HIBCH: variants seen among roughly 807,000 people sequenced by gnomAD.
HIBCH encodes the protein 3-hydroxyisobutyryl-CoA hydrolase, mitochondrial.
In HIBCH, 50 loss-of-function variants were observed where a neutral mutation model predicts 58.2. The observed-to-expected ratio is 0.86, with a 90% CI of 0.68 to 1.09. HIBCH has a LOEUF of 1.09. Ranked by LOEUF, HIBCH falls within the 50% of genes least tolerant of loss-of-function variation. The pLI is 0.00. For missense variants in HIBCH, 450 were observed against 449.7 expected (o/e 1.00, Z -0.01); for synonymous variants, 151 against 146.9 (o/e 1.03, Z -0.20).
intron 2 of HIBCH, among the ~76,000 whole-genome samples, chr2:190,307,878 A>G (rs1262392538): frequency 1.3e-5 from 2 of 152,292 alleles, no homozygotes; most frequent in East Asian, 3.9e-4. Context: ...TCTATTCCCT[A>G]CCTTCTATCT....
intron 11 of HIBCH, among the ~76,000 whole-genome samples, chr2:190,242,576 T>C (rs939447581): frequency 2.6e-5 from 4 of 152,192 alleles, no homozygotes; most frequent in African/African-American, 9.6e-5. Context: ...CTTTGAGCTT[T>C]GATGCTGATG....
At chr2:190,200,448 T>G, downstream of HIBCH, 1 of 250,004 alleles carries the variant, frequency 4.0e-6, no homozygotes, top group Non-Finnish European at 8.4e-6. Context: ...CCAAAGAAAA[T>G]GCTAAGGAAT....
Position 190,313,228 on chromosome 2 carries a change from A to G in HIBCH, c.36-2432T>C, listed in dbSNP as rs1400228832. 4.1e-5 allele frequency among the ~76,000 whole-genome samples: 4 copies of G among 98,014 alleles called. No individual in the cohort carries two copies. The East Asian group carries it at 6.3e-4, about 15-fold the overall frequency. The allele number at this position is 98,014 out of a possible 152,430, so 64.3% of individuals were successfully genotyped here. ...ACGGGCATGTTCGAGCTCACAGCCT[A>G]TTCCCCTTATTTAAAAATGTTATTG... On this transcript the variant is annotated intron_variant, in intron 1 of 13. Transcript: ENST00000359678.
At chr2:190,303,646 A>G (rs1438188996) in intron 2 of HIBCH, among the ~76,000 whole-genome samples, 3 of 152,186 alleles carry the variant, frequency 2.0e-5, no homozygotes, top group African/African-American at 7.2e-5. Context: ...ATTCTAAATG[A>G]CATATGTAGT....
At chr2:190,261,375 T>C in intron 6 of HIBCH, 141 bp from the exon 7 acceptor site, 1 of 654,456 alleles carries the variant, frequency 1.5e-6, no homozygotes, top group Non-Finnish European at 2.7e-6. Context: ...GAATAGGTTG[T>C]CCCCACCTCT....
rs564180477 is a variant in HIBCH at position 190,308,080 on chromosome 2, T to C, written c.78+2674A>G. 2.6e-5 allele frequency among the ~76,000 whole-genome samples: 4 copies of C among 152,180 alleles called. No homozygotes were observed. In the South Asian group the frequency reaches 6.2e-4, roughly 24 times the overall value. On this transcript the variant is annotated intron_variant, in intron 2 of 13. Transcript: ENST00000359678. ...CCACAGAAGAATTGCTTGGGATACA[T>C]CTTCTCTACCCCTGAGGCACTCATA...
rs537592592 is a variant in HIBCH at position 190,315,980 on chromosome 2, C to T, written c.35+3736G>A. Among the ~76,000 whole-genome samples the T allele has an allele frequency of 6.6e-6, 1 of 152,174 alleles. No individual in the cohort carries two copies. The highest frequency in any genetic ancestry group is 6.5e-5 in the Admixed American group (1 of 15,272). On this transcript the variant is annotated intron_variant, in intron 1 of 13. Transcript: ENST00000359678. This position sits in a 1 kb window ranked among gnomAD's most constrained non-coding sequence, Gnocchi z 5.4. ...CTAGAGGTTGAAAGAAAAGTTAGAA[C>T]TAAAGGTATATCTTATGCCACATGC...
intron 7 of HIBCH, among the ~76,000 whole-genome samples, chr2:190,252,565 G>A (rs948067363): frequency 9.9e-5 from 15 of 151,960 alleles, no homozygotes; most frequent in Admixed American, 9.8e-4. Flanking sequence ...ACAATGTTTT[G>A]TATATTAGAA....
Position 190,294,538 on chromosome 2 carries a change from G to A in HIBCH, c.304+8C>T, listed in dbSNP as rs1688054330. 1 of 1,593,450 alleles carries A rather than the reference G, an allele frequency of 6.3e-7. No homozygotes were observed. The highest frequency in any genetic ancestry group is 8.6e-7 in the Non-Finnish European group (1 of 1,162,324). ...AAGAGCACTCAGGTGAAAGGGAAAAGTCTTTACCTCTGATATCACCCCCGG... is the reference window on the plus strand; with the variant it reads ...AAGAGCACTCAGGTGAAAGGGAAAAATCTTTACCTCTGATATCACCCCCGG... On this transcript the variant is annotated splice_region_variant and intron_variant, in intron 4 of 13. Coordinates refer to ENST00000359678, the MANE Select transcript of HIBCH (RefSeq NM_014362.4).
At chr2:190,297,003 A>T in intron 2 of HIBCH, 50 bp from the exon 3 acceptor site, 1 of 1,545,650 alleles carries the variant, frequency 6.5e-7, no homozygotes, top group Non-Finnish European at 8.9e-7. Context: ...AGTTTTTATC[A>T]CAAGCCAACA....
intron 11 of HIBCH, among the ~76,000 whole-genome samples, chr2:190,244,381 AAC>A (rs766238605): frequency 2.6e-4 from 39 of 152,290 alleles, no homozygotes; most frequent in Non-Finnish European, 5.3e-4. Context: ...AAGTGTACCT[AAC>A]ACAGAAACAC....
At chr2:190,232,382 G>T (rs958445948) in intron 11 of HIBCH, among the ~76,000 whole-genome samples, 38 of 152,138 alleles carry the variant, frequency 2.5e-4, no homozygotes, top group African/African-American at 9.2e-4. Flanking sequence ...TGGCAGTCTG[G>T]AATTGAGGTA....
chr2:190,312,509 C>CT (rs1231126004), intron 1 of HIBCH, among the ~76,000 whole-genome samples: 3 of 152,184 alleles, frequency 2.0e-5, no homozygotes, highest in Non-Finnish European at 4.4e-5. Flanking sequence ...CAAGAATACT[C>CT]TGAGATTATA....
At chr2:190,264,580 T>C (rs1227327278) in intron 6 of HIBCH, among the ~76,000 whole-genome samples, 2 of 152,232 alleles carry the variant, frequency 1.3e-5, no homozygotes, top group East Asian at 3.8e-4. Flanking sequence ...CTTCTTTCAG[T>C]CAACATTATG....
Position 190,209,977 on chromosome 2 carries a change from A to G in HIBCH, c.1012-1064T>C, listed in dbSNP as rs1218385806. ...GTCCGACACTAAGTGTTCAGTAAAT[A>G]TTAACTACCATTAGTATCATCAACA... On this transcript the variant is annotated intron_variant, in intron 12 of 13. Transcript: ENST00000359678. This position sits in a 1 kb window ranked among gnomAD's most constrained non-coding sequence, Gnocchi z 5.6. 6.6e-6 allele frequency among the ~76,000 whole-genome samples: 1 copy of G among 152,246 alleles called. No homozygotes were observed. Among genetic ancestry groups the G allele is most frequent in the Non-Finnish European group, 1.5e-5 (1 of 68,046 alleles).
rs1476358817 is a variant in HIBCH at position 190,197,762 on chromosome 2, G to C, written c.*17+7338C>G. Among the ~76,000 whole-genome samples the C allele has an allele frequency of 6.6e-6, 1 of 152,182 alleles. No individual in the cohort carries two copies. Among genetic ancestry groups the C allele is most frequent in the African/African-American group, 2.4e-5 (1 of 41,426 alleles). On this transcript the variant is annotated intron_variant, in intron 1 of 1. Coordinates refer to the HIBCH transcript ENST00000399855. The surrounding 1 kb of genome is among the most constrained non-coding windows in gnomAD (Gnocchi z 4.0). ...TATATTTTGTCTGGTTTTAAAACTG[G>C]TTTTGGCAAATGCACAAATCTGGCA...
At chr2:190,190,321 CTT>C (rs1689654227) in intron 1 of HIBCH, among the ~76,000 whole-genome samples, 1 of 152,140 alleles carries the variant, frequency 6.6e-6, no homozygotes, top group South Asian at 2.1e-4. Flanking sequence ...TATGATCCAT[CTT>C]TTTTATCTGG....
At position 190,313,522 on chromosome 2, in the gene HIBCH, G is replaced by A. The variant is rs375384293; in HGVS notation, c.36-2726C>T. 5.3e-5 allele frequency among the ~76,000 whole-genome samples: 8 copies of A among 151,950 alleles called. No individual in the cohort carries two copies. The South Asian group carries it at 1.0e-3, about 20-fold the overall frequency. ...CCTTGCTGATAAATCTTTTGCCTCC[G>A]TGCTGACTTTTCTTCACAACACCAC... On this transcript the variant is annotated intron_variant, in intron 1 of 13. Coordinates refer to ENST00000359678, the MANE Select transcript of HIBCH (RefSeq NM_014362.4).
At chr2:190,310,615 T>C (rs986126194) in intron 2 of HIBCH, 139 bp downstream of exon 2, 1 of 762,206 alleles carries the variant, frequency 1.3e-6, no homozygotes, top group Non-Finnish European at 2.4e-6. Context: ...GCGTGTGCCA[T>C]GTCTTGACAC....
Sources: allele counts gnomAD v4.1 joint callset (sites outside exome capture counted in the v4.1 genomes callset), GRCh38; gene constraint gnomAD v4.1.1; non-coding constraint Gnocchi (gnomAD v3.1); transcripts MANE v1.5; gene names NCBI Gene and HGNC (gene_info 2026-07-23, HGNC 2026-07-21).